Variants in CDK8 observed in about 807,000 individuals in gnomAD.
CDK8 encodes cyclin dependent kinase 8.
CDK8 carries 29 observed loss-of-function variants against 71.5 expected under a neutral mutation model. The observed-to-expected ratio is 0.41, with a 90% confidence interval of 0.30 to 0.55. The LOEUF is 0.55. Among genes scored for constraint, CDK8 ranks in the 20% least tolerant of loss-of-function variants. The probability of loss-of-function intolerance (pLI) is 0.37; values close to 1 mark genes in which losing one functional copy is unlikely to be tolerated. For missense variants in CDK8, 288 were observed against 572.6 expected, an observed-to-expected ratio of 0.50 and a Z score of 5.07; for synonymous variants, 161 against 192.1, an observed-to-expected ratio of 0.84 and a Z score of 1.34.
chr13:26,354,484 TC>T (rs993798779), intron 4 of CDK8, among the ~76,000 whole-genome samples: 36 of 151,918 alleles, frequency 2.4e-4, no homozygotes, highest in African/African-American at 8.5e-4. Context: ...TGCACAGGGG[TC>T]CCCAACCCCC....
chr13:26,365,825 A>G (rs1593291508), intron 4 of CDK8, among the ~76,000 whole-genome samples: 2 of 152,094 alleles, frequency 1.3e-5, no homozygotes, highest in Non-Finnish European at 2.9e-5. Context: ...TATATAAGCT[A>G]TTACTTGATT....
chr13:26,276,998 A>G (rs1378600246), intron 1 of CDK8, among the ~76,000 whole-genome samples: 1 of 152,232 alleles, frequency 6.6e-6, no homozygotes, highest in Non-Finnish European at 1.5e-5. Flanking sequence ...TACTTGCAGA[A>G]CTGTTCACAA....
intron 2 of CDK8, among the ~76,000 whole-genome samples, chr13:26,347,198 T>C (rs1167780310): frequency 1.3e-5 from 2 of 152,154 alleles, no homozygotes; most frequent in Admixed American, 1.3e-4. Flanking sequence ...ATAACATCCT[T>C]TTATGAGATG....
intron 1 of CDK8, among the ~76,000 whole-genome samples, chr13:26,311,089 C>T (rs1874264895): frequency 1.3e-5 from 2 of 148,616 alleles, no homozygotes; most frequent in South Asian, 4.2e-4. Flanking sequence ...TTATAGACTG[C>T]AGATTTTTAA....
At chr13:26,379,929 G>A (rs970503395) in intron 4 of CDK8, among the ~76,000 whole-genome samples, 1 of 152,160 alleles carries the variant, frequency 6.6e-6, no homozygotes, top group South Asian at 2.1e-4. Context: ...GGGAGAGGGG[G>A]AAAATCCAAT....
intron 1 of CDK8, among the ~76,000 whole-genome samples, chr13:26,314,339 T>A (rs1874417988): frequency 6.6e-6 from 1 of 152,238 alleles, no homozygotes; most frequent in East Asian, 1.9e-4. Flanking sequence ...AAGTTTCTGT[T>A]AACATCATCA....
chr13:26,270,404 AT>A (rs1174249119), intron 1 of CDK8, among the ~76,000 whole-genome samples: 25 of 150,202 alleles, frequency 1.7e-4, no homozygotes, highest in African/African-American at 6.3e-4. Context: ...AAAAAAAAAA[AT>A]ACACACACAC....
At chr13:26,352,999 T>A (rs1373680665) in intron 3 of CDK8, among the ~76,000 whole-genome samples, 1 of 152,236 alleles carries the variant, frequency 6.6e-6, no homozygotes, top group Non-Finnish European at 1.5e-5. Flanking sequence ...CAAGGCATAG[T>A]TTACTGCAGC....
intron 4 of CDK8, among the ~76,000 whole-genome samples, chr13:26,371,356 C>T (rs1874674801): frequency 6.6e-6 from 1 of 152,130 alleles, no homozygotes; most frequent in Non-Finnish European, 1.5e-5. Context: ...TATTCTTAAT[C>T]ACCTAACTGT....
rs1451152770 is a variant in CDK8 at position 26,385,297 on chromosome 13, G to A, written c.601G>A (p.Ala201Thr). 1 of 1,613,290 alleles carries A rather than the reference G, an allele frequency of 6.2e-7. No individual in the cohort carries two copies. The highest frequency in any genetic ancestry group is 1.7e-5 in the Admixed American group (1 of 59,992). ...DPVVVTFWYR[A>T]PELLLGARHY... ...AGTGGTTGTTACATTCTGGTACCGAGCCCCTGAACTACTTCTTGGAGCAAG... is the reference window on the plus strand; with the variant it reads ...AGTGGTTGTTACATTCTGGTACCGAACCCCTGAACTACTTCTTGGAGCAAG... Residue 201 changes from alanine to threonine, a missense_variant, in exon 6 of 13, where the codon GCC becomes ACC. Transcript: ENST00000381527.
intron 1 of CDK8, among the ~76,000 whole-genome samples, chr13:26,309,741 A>G (rs552934341): frequency 1.3e-5 from 2 of 152,090 alleles, no homozygotes; most frequent in African/African-American, 2.4e-5. Context: ...TTCTGTGTTC[A>G]AGACCATAAT....
chr13:26,271,205 C>G lies in CDK8; in HGVS notation c.128+16436C>G, dbSNP rs111892276. Among the ~76,000 whole-genome samples the G allele has an allele frequency of 5.8e-3, 889 of 152,242 alleles. 9 individuals carry two copies. Among genetic ancestry groups the G allele is most frequent in the African/African-American group, 0.02 (841 of 41,544 alleles). On this transcript the variant is annotated intron_variant, in intron 1 of 12. Transcript: ENST00000381527. ...AGGAGTTCTTTGTATATTCTGGATA[C>G]TGAACCCTTATCAGATATATGATTT...
At chr13:26,278,582 A>G (rs928207063) in intron 1 of CDK8, among the ~76,000 whole-genome samples, 2 of 152,200 alleles carry the variant, frequency 1.3e-5, no homozygotes, top group African/African-American at 4.8e-5. Context: ...ATGCGGAGCA[A>G]GCTTCCTGAA....
chr13:26,318,441 G>C (rs1874613625), intron 1 of CDK8, among the ~76,000 whole-genome samples: 1 of 152,058 alleles, frequency 6.6e-6, no homozygotes, highest in Non-Finnish European at 1.5e-5. Context: ...TTCTGTATGA[G>C]GCCAGCATTA....
intron 4 of CDK8, among the ~76,000 whole-genome samples, chr13:26,355,048 C>T (rs913841402): frequency 1.3e-5 from 2 of 152,164 alleles, no homozygotes; most frequent in South Asian, 2.1e-4. Flanking sequence ...GGCTATGAGG[C>T]GGAGCCCATC....
chr13:26,390,424 C>G (rs1216703076), intron 6 of CDK8, among the ~76,000 whole-genome samples: 1 of 152,196 alleles, frequency 6.6e-6, no homozygotes, highest in Non-Finnish European at 1.5e-5. Context: ...TGCAGAACTG[C>G]AAGCTGAGTC....
chr13:26,314,922 TA>T (rs1458398057), intron 1 of CDK8, among the ~76,000 whole-genome samples: 1 of 152,160 alleles, frequency 6.6e-6, no homozygotes, highest in East Asian at 1.9e-4. Context: ...TTTAAAGGTA[TA>T]AAAAATCAAT....
At chr13:26,277,111 A>T (rs1199649292) in intron 1 of CDK8, among the ~76,000 whole-genome samples, 1 of 152,220 alleles carries the variant, frequency 6.6e-6, no homozygotes, top group Non-Finnish European at 1.5e-5. Flanking sequence ...CTATTCTTTG[A>T]TGCAACTATT....
chr13:26,284,439 A>G (rs1872903292), intron 1 of CDK8, among the ~76,000 whole-genome samples: 2 of 152,336 alleles, frequency 1.3e-5, no homozygotes, highest in East Asian at 3.9e-4. Flanking sequence ...TCAATTAGAA[A>G]TGAAATGGGA....
Sources: allele counts gnomAD v4.1 joint callset (sites outside exome capture counted in the v4.1 genomes callset), GRCh38; gene constraint gnomAD v4.1.1; transcripts MANE v1.5; gene names NCBI Gene and HGNC (gene_info 2026-07-23, HGNC 2026-07-21).